Variants in PRPH2 observed in about 807,000 individuals in gnomAD.
PRPH2 encodes the protein peripherin 2.
Under a neutral mutation model 31.3 loss-of-function variants are expected in PRPH2, and 17 were observed. That is an observed-to-expected ratio of 0.54 (90% confidence interval 0.37 to 0.81). The LOEUF (loss-of-function observed/expected upper bound fraction) is 0.81. Among genes scored for constraint, PRPH2 ranks in the 40% least tolerant of loss-of-function variants. The pLI, the probability that PRPH2 is intolerant of heterozygous loss-of-function variation, is 0.00. For missense variants in PRPH2, 430 were observed against 439.7 expected, an observed-to-expected ratio of 0.98 and a Z score of 0.20; for synonymous variants, 165 against 184.4, an observed-to-expected ratio of 0.89 and a Z score of 0.85.
intron 2 of PRPH2, among the ~76,000 whole-genome samples, chr6:42,700,031 T>A (rs1800018970): frequency 6.6e-6 from 1 of 151,494 alleles, no homozygotes. Flanking sequence ...CGATCTTGGC[T>A]CACTGCAATC....
intron 1 of PRPH2, among the ~76,000 whole-genome samples, chr6:42,717,717 C>T (rs1214083156): frequency 6.6e-6 from 1 of 152,052 alleles, no homozygotes; most frequent in Admixed American, 6.6e-5. Context: ...ATTCCACAGT[C>T]TCTCATTCAT....
At chr6:42,711,950 A>G in intron 1 of PRPH2, 1 of 985,426 alleles carries the variant, frequency 1.0e-6, no homozygotes, top group Non-Finnish European at 1.2e-6. Flanking sequence ...CTTTAAAAGA[A>G]GTGTTGTAAA....
At chr6:42,710,563 C>T (rs951419814) in intron 1 of PRPH2, among the ~76,000 whole-genome samples, 4 of 152,172 alleles carry the variant, frequency 2.6e-5, no homozygotes, top group Non-Finnish European at 4.4e-5. Context: ...AGGAGAGCGC[C>T]TTAGTGGTGA....
rs773951621 is a variant in PRPH2 at position 42,698,501 on chromosome 6, T to G, written c.835A>C (p.Ile279Leu). The G allele has an allele frequency of 6.2e-7, 1 of 1,613,984 alleles. No individual in the cohort carries two copies. The highest frequency in any genetic ancestry group is 1.3e-5 in the African/African-American group (1 of 74,898). Residue 279 changes from isoleucine (I) to leucine (L), a missense_variant, in exon 3 of 3, where the codon ATT becomes CTT. Ile to Leu is a conservative substitution (Grantham distance 5). Transcript: ENST00000230381. Reference protein sequence around the residue: ...TLLIWLFEVTITIGLRYLQTS... With the variant: ...TLLIWLFEVTLTIGLRYLQTS... ...TGTAGGTAGCGCAGCCCAATTGTAA[T>G]GGTCACCTGGTGGTGGGAGAGGAGA... is the stretch of plus-strand genomic sequence containing the variant.
chr6:42,715,783 A>T (rs1761765672), intron 1 of PRPH2, among the ~76,000 whole-genome samples: 1 of 152,208 alleles, frequency 6.6e-6, no homozygotes, highest in African/African-American at 2.4e-5. Flanking sequence ...CCAGTCCTGG[A>T]TCTTAAAGAT....
chr6:42,716,965 T>TTC (rs1156917281), intron 1 of PRPH2, among the ~76,000 whole-genome samples: 7 of 112,582 alleles, frequency 6.2e-5, no homozygotes, highest in Admixed American at 8.6e-5. Flanking sequence ...TTCTTTTCTT[T>TTC]TTTTTTTTTT....
At chr6:42,715,248 G>C (rs1044529145) in intron 1 of PRPH2, among the ~76,000 whole-genome samples, 3 of 151,956 alleles carry the variant, frequency 2.0e-5, no homozygotes, top group Non-Finnish European at 4.4e-5. Context: ...AAAAGATTAA[G>C]ACAAAAACTT....
At chr6:42,716,612 G>T (rs1326667719) in intron 1 of PRPH2, among the ~76,000 whole-genome samples, 5 of 111,574 alleles carry the variant, frequency 4.5e-5, no homozygotes, top group African/African-American at 1.0e-4. Context: ...GGTTTGGTTG[G>T]TTTTTTTTTT....
Position 42,704,325 on chromosome 6 carries a change from G to A in PRPH2, c.828+40C>T, listed in dbSNP as rs1488917681. ...CCATTAGACCCAAATGGGACCGGAG[G>A]CTCTCCTTACCCTCTACCCCCAGCT... On this transcript the variant is annotated intron_variant, in intron 2 of 2. Transcript: ENST00000230381. 1.9e-6 allele frequency: 3 copies of A among 1,593,104 alleles called. No homozygotes were observed. In the Admixed American group the frequency reaches 5.3e-5, roughly 28 times the overall value.
rs148595657 is a variant in PRPH2, at chr6:42,707,119, G to A, written c.582-2508C>T. On this transcript the variant is annotated intron_variant, in intron 1 of 2. Coordinates refer to ENST00000230381, the MANE Select transcript of PRPH2 (RefSeq NM_000322.5). ...TTTGTCATATTGGCCAGGCTGCTCTGGAACTCCTGATCTCGAGTGATCCAC... is the reference window on the plus strand; with the variant it reads ...TTTGTCATATTGGCCAGGCTGCTCTAGAACTCCTGATCTCGAGTGATCCAC... 5.2e-3 allele frequency among the ~76,000 whole-genome samples: 786 copies of A among 151,810 alleles called. 4 individuals carry two copies. The highest frequency in any genetic ancestry group is 0.017 in the African/African-American group (717 of 41,392).
intron 2 of PRPH2, among the ~76,000 whole-genome samples, chr6:42,699,242 T>C (rs1800007335): frequency 6.6e-6 from 1 of 151,842 alleles, no homozygotes; most frequent in Admixed American, 6.6e-5. Context: ...TTTGTTGTTA[T>C]TGTTGTAGAT....
At chr6:42,710,021 A>G (rs1225484050) in intron 1 of PRPH2, among the ~76,000 whole-genome samples, 2 of 152,180 alleles carry the variant, frequency 1.3e-5, no homozygotes, top group Admixed American at 6.5e-5. Flanking sequence ...AGCCACCCTC[A>G]GTCTGCAGGC....
Position 42,698,519 on chromosome 6 carries a change from AGAG to A in PRPH2, c.829-15_829-13del, listed in dbSNP as rs1260028685. The stretch of plus-strand genomic sequence containing the variant: ...ATTGTAATGGTCACCTGGTGGTGGG[AGAG>A]GAGATTTAGAGGCAATCTGGGAGAA... On this transcript the variant is annotated splice_polypyrimidine_tract_variant and intron_variant, in intron 2 of 2. Transcript: ENST00000230381. The A allele has an allele frequency of 6.2e-7, 1 of 1,614,012 alleles. No homozygotes were observed. The highest frequency in any genetic ancestry group is 8.5e-7 in the Non-Finnish European group (1 of 1,180,006).
At position 42,710,082 on chromosome 6, in the gene PRPH2, G is replaced by A. The variant is rs571045031; in HGVS notation, c.582-5471C>T. Among the ~76,000 whole-genome samples the A allele has an allele frequency of 3.9e-5, 6 of 152,280 alleles. No individual in the cohort carries two copies. In the South Asian group the frequency reaches 1.2e-3, roughly 32 times the overall value. Reference sequence around the variant, plus strand: ...CCCACCTCGCCTCCCTGAGCCCCCAGACAAGTCACCCTAATGGTCTCCACC... The same window carrying A: ...CCCACCTCGCCTCCCTGAGCCCCCAAACAAGTCACCCTAATGGTCTCCACC... On this transcript the variant is annotated intron_variant, in intron 1 of 2. Transcript: ENST00000230381.
At chr6:42,720,875 G>A (rs1024650481) in intron 1 of PRPH2, among the ~76,000 whole-genome samples, 3 of 152,230 alleles carry the variant, frequency 2.0e-5, no homozygotes, top group Non-Finnish European at 4.4e-5. Flanking sequence ...AGAGCAGCCC[G>A]CTGGAGCCAG....
At chr6:42,699,863 T>G (rs1483697132) in intron 2 of PRPH2, among the ~76,000 whole-genome samples, 1 of 151,926 alleles carries the variant, frequency 6.6e-6, no homozygotes, top group Non-Finnish European at 1.5e-5. Flanking sequence ...ACTCCACCAC[T>G]GCACTCCAGC....
chr6:42,709,631 G>A (rs1038459291), intron 1 of PRPH2, among the ~76,000 whole-genome samples: 1 of 152,158 alleles, frequency 6.6e-6, no homozygotes, highest in South Asian at 2.1e-4. Context: ...TGTGGGGCCA[G>A]GCCCTTCCTT....
intron 1 of PRPH2, among the ~76,000 whole-genome samples, chr6:42,721,253 A>G (rs1761897461): frequency 6.6e-6 from 1 of 152,222 alleles, no homozygotes. Context: ...TGCTCTTTCC[A>G]ACATATCCAG....
chr6:42,722,110 G>C lies in PRPH2; in HGVS notation c.225C>G (p.Asn75Lys). ...IGMGVLSCVF[N>K]SLAGKICYDA... ...CGTAGCAGATCTTCCCAGCCAGCGA[G>C]TTGAAGACACAGGATAGCACCCCCA... is the stretch of plus-strand genomic sequence containing the variant. The change falls in exon 1 of 3, where the codon AAC (asparagine) becomes AAG (lysine). Residue 75 changes from asparagine (N) to lysine (K), a missense_variant. Physicochemically the swap from Asn to Lys is moderately conservative, Grantham distance 94. Transcript: ENST00000230381. The surrounding 1 kb of genome is among the most constrained non-coding windows in gnomAD (Gnocchi z 4.4). 1 of 1,614,192 alleles carries C rather than the reference G, an allele frequency of 6.2e-7. No individual in the cohort carries two copies. Among genetic ancestry groups the C allele is most frequent in the South Asian group, 1.1e-5 (1 of 91,082 alleles).
Sources: gnomAD v4.1 joint callset for allele counts (sites outside exome capture counted in the v4.1 genomes callset) on GRCh38, gnomAD v4.1.1 for gene constraint, Gnocchi (gnomAD v3.1) non-coding constraint, MANE v1.5 for transcripts, NCBI Gene and HGNC (gene_info 2026-07-23, HGNC 2026-07-21) for gene names.